The following POU6F2 variants were observed in gnomAD, a reference collection of about 807,000 sequenced individuals.
POU6F2 encodes POU class 6 homeobox 2, also known as POU domain, class 6, transcription factor 2.
Under a neutral mutation model 71.3 loss-of-function variants are expected in POU6F2, and 31 were observed. That is an observed-to-expected ratio of 0.43 (90% CI 0.33 to 0.59). The LOEUF (loss-of-function observed/expected upper bound fraction) is 0.59, where lower values mean the gene tolerates loss of function less well. POU6F2 is among the 20% of genes least tolerant of loss of function. The pLI is 0.04. For synonymous variants in POU6F2, 347 were observed against 355.7 expected, an observed-to-expected ratio of 0.98 and a Z score of 0.27; for missense variants, 783 against 856.8, an observed-to-expected ratio of 0.91 and a Z score of 1.07.
chr7:39,401,232 CA>C (rs1209545801), intron 5 of POU6F2, among the ~76,000 whole-genome samples: 1 of 152,120 alleles, frequency 6.6e-6, no homozygotes, highest in African/African-American at 2.4e-5. Flanking sequence ...ACCCCAGCCC[CA>C]AAAATCTCTC....
intron 4 of POU6F2, among the ~76,000 whole-genome samples, chr7:39,243,734 G>A (rs961607271): frequency 4.0e-5 from 6 of 151,688 alleles, no homozygotes; most frequent in African/African-American, 9.7e-5. Context: ...TATTGTAAGG[G>A]TGTGAAAACC....
intron 7 of POU6F2, among the ~76,000 whole-genome samples, chr7:39,436,629 G>C (rs59085311): frequency 0.34 from 51,164 of 151,882 alleles, 9,643 homozygotes; most frequent in East Asian, 0.58. Flanking sequence ...TCTCTCGCCT[G>C]ATTGCCCTGG....
At chr7:39,202,092 G>A (rs1793917907) in intron 2 of POU6F2, among the ~76,000 whole-genome samples, 1 of 152,174 alleles carries the variant, frequency 6.6e-6, no homozygotes, top group South Asian at 2.1e-4. Flanking sequence ...GAATTAACCA[G>A]CCTCAGAACA....
intron 1 of POU6F2, among the ~76,000 whole-genome samples, chr7:39,051,855 G>T (rs189448956): frequency 1.3e-5 from 2 of 152,176 alleles, no homozygotes; most frequent in East Asian, 3.9e-4. Flanking sequence ...TATTTTTCTA[G>T]AATCCATTTA....
At position 39,012,878 on chromosome 7, in the gene POU6F2, C is replaced by T. The variant is rs1415314391; in HGVS notation, c.105+34820C>T. On this transcript the variant is annotated intron_variant, in intron 1 of 9. Transcript: ENST00000518318. ...GGACCCACTTGAGGAGGCAGTCTGC[C>T]GGTTCTCAGATCTCCAGCTGCGTGC... Among the ~76,000 whole-genome samples, 332 of 152,180 alleles carry T rather than the reference C, an allele frequency of 2.2e-3. 3 individuals carry two copies. The highest frequency in any genetic ancestry group is 0.01 in the Middle Eastern group (3 of 294).
intron 1 of POU6F2, among the ~76,000 whole-genome samples, chr7:38,999,714 C>A (rs10951587): frequency 0.61 from 92,176 of 152,008 alleles, 28,738 homozygotes; most frequent in East Asian, 0.86. Context: ...GTGCTTTTTG[C>A]AATGACAATG....
At position 39,080,627 on chromosome 7, in the gene POU6F2, T is replaced by A. The variant is rs373145447; in HGVS notation, c.106-5233T>A. Among the ~76,000 whole-genome samples the A allele has an allele frequency of 6.6e-4, 101 of 152,352 alleles. 4 individuals carry two copies. The South Asian group carries it at 0.02, about 30-fold the overall frequency. ...CATACTTGAGTGCTTCACAACCAAA[T>A]GAATTGTTTCCCTGGATTTTTGAAG... On this transcript the variant is annotated intron_variant, in intron 1 of 9. Coordinates refer to ENST00000518318, the MANE Select transcript of POU6F2 (RefSeq NM_001370959.1).
chr7:39,032,967 G>A (rs1789978721), intron 1 of POU6F2, among the ~76,000 whole-genome samples: 2 of 152,156 alleles, frequency 1.3e-5, no homozygotes, highest in South Asian at 2.1e-4. Context: ...AACAAATGGC[G>A]AATGTGTTAG....
rs574077007 is a variant in POU6F2, at chr7:39,303,338, G to A, written c.599-36304G>A. On this transcript the variant is annotated intron_variant, in intron 4 of 9. Coordinates refer to ENST00000518318, the MANE Select transcript of POU6F2 (RefSeq NM_001370959.1). Reference sequence around the variant, plus strand: ...AATTTTTTGTATTTTTAGTAGAGACGGGGTTTCACCATGTTATCCAGGATG... The same window carrying A: ...AATTTTTTGTATTTTTAGTAGAGACAGGGTTTCACCATGTTATCCAGGATG... Among the ~76,000 whole-genome samples the A allele has an allele frequency of 6.8e-4, 104 of 152,082 alleles. 1 individual carries two copies. The highest frequency in any genetic ancestry group is 1.6e-3 in the African/African-American group (67 of 41,504).
chr7:39,427,329 C>T lies in POU6F2; in HGVS notation c.1114-5748C>T, dbSNP rs75762984. On this transcript the variant is annotated intron_variant, in intron 6 of 9. Transcript: ENST00000518318. ...ATCTCCTACTAGTTGGTGGCAAAGC[C>T]TGGCCTTAAATCCAGCCAGTGGGGA... 2.8e-3 allele frequency among the ~76,000 whole-genome samples: 431 copies of T among 152,252 alleles called. 6 individuals are homozygous for T. The highest frequency in any genetic ancestry group is 0.022 in the East Asian group (116 of 5,178).
chr7:39,443,976 A>C (rs1259446164), intron 7 of POU6F2, among the ~76,000 whole-genome samples: 3 of 152,236 alleles, frequency 2.0e-5, no homozygotes, highest in African/African-American at 7.2e-5. Context: ...GTCCACTTTC[A>C]TGAAGTAAAG....
chr7:39,439,880 T>TAAAA lies in POU6F2; in HGVS notation c.1320+6602_1320+6605dup, dbSNP rs35905089. On this transcript the variant is annotated intron_variant, in intron 7 of 9. Transcript: ENST00000518318. ...AGCTCTTGCAGAGCAGGTATGGTGG[T>TAAAA]AAAAAAAATGCCTCAGCATTTGCTT... Among the ~76,000 whole-genome samples the TAAAA allele has an allele frequency of 6.8e-4, 103 of 151,862 alleles. 2 individuals are homozygous for TAAAA. In the South Asian group the frequency reaches 0.012, roughly 18 times the overall value.
chr7:39,288,426 C>G (rs1784690754), intron 4 of POU6F2, among the ~76,000 whole-genome samples: 2 of 152,186 alleles, frequency 1.3e-5, no homozygotes, highest in African/African-American at 4.8e-5. Flanking sequence ...GAGCTTCTAG[C>G]ATAGTGACTC....
At chr7:39,217,301 T>C (rs1426838469) in intron 4 of POU6F2, among the ~76,000 whole-genome samples, 1 of 152,146 alleles carries the variant, frequency 6.6e-6, no homozygotes, top group Non-Finnish European at 1.5e-5. Flanking sequence ...GTGCTTGATT[T>C]TGTTGATCGA....
At chr7:39,240,109 C>T (rs1783693704) in intron 4 of POU6F2, among the ~76,000 whole-genome samples, 1 of 152,064 alleles carries the variant, frequency 6.6e-6, no homozygotes, top group Non-Finnish European at 1.5e-5. Flanking sequence ...TACTCCATTT[C>T]CAGCATTCCT....
At chr7:39,252,920 C>T (rs1783955753) in intron 4 of POU6F2, among the ~76,000 whole-genome samples, 1 of 152,160 alleles carries the variant, frequency 6.6e-6, no homozygotes, top group African/African-American at 2.4e-5. Context: ...CCATGTATTT[C>T]CCTGAGTATT....
chr7:39,294,597 C>G (rs957721666), intron 4 of POU6F2, among the ~76,000 whole-genome samples: 1 of 151,832 alleles, frequency 6.6e-6, no homozygotes, highest in African/African-American at 2.4e-5. Flanking sequence ...TCCATCTTAC[C>G]TTTGAATTTT....
chr7:39,195,811 G>A (rs1019442877), intron 2 of POU6F2, among the ~76,000 whole-genome samples: 22 of 152,048 alleles, frequency 1.4e-4, no homozygotes, highest in Admixed American at 3.3e-4. Flanking sequence ...GAACTACAGC[G>A]TTCTCTAGCC....
chr7:39,066,474 C>T (rs964344240), intron 1 of POU6F2, among the ~76,000 whole-genome samples: 4 of 151,424 alleles, frequency 2.6e-5, no homozygotes, highest in South Asian at 2.1e-4. Flanking sequence ...GAGAATCAAC[C>T]GAAAACTCAA....
Sources: gnomAD v4.1 joint callset for allele counts (sites outside exome capture counted in the v4.1 genomes callset) on GRCh38, gnomAD v4.1.1 for gene constraint, MANE v1.5 for transcripts, NCBI Gene and HGNC (gene_info 2026-07-23, HGNC 2026-07-21) for gene names.